Variants in HIVEP3 observed in about 807,000 individuals in gnomAD.
HIVEP3 encodes HIVEP zinc finger 3, also known as transcription factor HIVEP3.
A neutral mutation model predicts 152.8 loss-of-function variants in HIVEP3; 49 were observed. That is an observed-to-expected ratio of 0.32 (90% CI 0.26 to 0.41). The LOEUF is 0.41. HIVEP3 is among the 10% of genes least tolerant of loss of function. HIVEP3 has a pLI of 1.00. For synonymous variants in HIVEP3, 1,269 were observed against 1,289.0 expected (o/e 0.98, Z 0.33); for missense variants, 2,790 against 3,103.3 (o/e 0.90, Z 2.40).
intron 1 of HIVEP3, among the ~76,000 whole-genome samples, chr1:41,960,134 C>G (rs2124496954): frequency 6.6e-6 from 1 of 152,182 alleles, no homozygotes; most frequent in African/African-American, 2.4e-5. Context: ...GAAAGTTGGG[C>G]CAGAAAGTCC....
intron 3 of HIVEP3, among the ~76,000 whole-genome samples, chr1:41,600,100 T>C (rs1644723704): frequency 6.6e-6 from 1 of 152,204 alleles, no homozygotes; most frequent in African/African-American, 2.4e-5. Flanking sequence ...TGAGTGGAAC[T>C]GTTGCACTCT....
intron 2 of HIVEP3, among the ~76,000 whole-genome samples, chr1:41,651,137 C>T (rs972269893): frequency 6.6e-6 from 1 of 152,128 alleles, no homozygotes; most frequent in Admixed American, 6.5e-5. Context: ...CAGCTGGGCG[C>T]AGTAGCTCAT....
At position 41,580,142 on chromosome 1, in the gene HIVEP3, C is replaced by T. The variant is rs1270124357; in HGVS notation, c.4656G>A (p.Lys1552=). Residue 1552 remains lysine, a synonymous_variant, in exon 4 of 9, where the codon AAG becomes AAA. Coordinates refer to ENST00000372583, the MANE Select transcript of HIVEP3 (RefSeq NM_024503.5). ...HRRGLTPLSV[K]KEDSKEQPDL... ...CAGGTTGTTCCTTGGAATCTTCTTT[C>T]TTCACGCTCAGTGGGGTCAACCCTC... The T allele has an allele frequency of 8.1e-6, 13 of 1,613,824 alleles. No individual in the cohort carries two copies. In the African/African-American group the frequency reaches 1.5e-4, roughly 18 times the overall value.
chr1:41,749,346 C>T (rs892791912), intron 1 of HIVEP3, among the ~76,000 whole-genome samples: 1 of 150,766 alleles, frequency 6.6e-6, no homozygotes, highest in Non-Finnish European at 1.5e-5. Flanking sequence ...GATTCCTGAC[C>T]TGAGGGTTTC....
In HIVEP3 at chr1:41,515,647, G is replaced by A. The variant is rs141636300; in HGVS notation, c.5471-1897C>T. On this transcript the variant is annotated intron_variant, in intron 7 of 8. Coordinates refer to ENST00000372583, the MANE Select transcript of HIVEP3 (RefSeq NM_024503.5). ...CAGCCCTTGCATTATTACGCTGACA[G>A]TTTAAAAATGATGTGCTGCACTAAG... Among the ~76,000 whole-genome samples, 24 of 152,330 alleles carry A rather than the reference G, an allele frequency of 1.6e-4. No homozygotes were observed. The East Asian group carries it at 4.6e-3, about 29-fold the overall frequency.
At chr1:41,851,271 G>C (rs953638704) in intron 1 of HIVEP3, among the ~76,000 whole-genome samples, 2 of 141,670 alleles carry the variant, frequency 1.4e-5, no homozygotes, top group African/African-American at 5.1e-5. Context: ...AATGATGAGA[G>C]AGCACCTTCT....
rs563345015 is a variant in HIVEP3 at position 41,860,162 on chromosome 1, C to A, written c.-801+58251G>T. ...TTGATGCCTAAACATCTCTCATAAG[C>A]TTCTGCATAAAGACACCCCAGTTAT... On this transcript the variant is annotated intron_variant, in intron 1 of 8. Coordinates refer to ENST00000372583, the MANE Select transcript of HIVEP3 (RefSeq NM_024503.5). 4.6e-5 allele frequency among the ~76,000 whole-genome samples: 7 copies of A among 152,324 alleles called. 1 individual carries two copies. The highest frequency in any genetic ancestry group is 2.1e-4 in the South Asian group (1 of 4,826).
chr1:41,856,222 A>G (rs1432842300), intron 1 of HIVEP3, among the ~76,000 whole-genome samples: 1 of 152,230 alleles, frequency 6.6e-6, no homozygotes, highest in African/African-American at 2.4e-5. Flanking sequence ...AAGCCAAATA[A>G]AATGCATCTG....
At chr1:41,614,838 G>T (rs1392219933) in intron 3 of HIVEP3, among the ~76,000 whole-genome samples, 1 of 152,170 alleles carries the variant, frequency 6.6e-6, no homozygotes, top group East Asian at 1.9e-4. Flanking sequence ...TGATACGCTG[G>T]CCAGTTCCTC....
chr1:41,846,041 G>A (rs765376714), intron 1 of HIVEP3, among the ~76,000 whole-genome samples: 1 of 152,156 alleles, frequency 6.6e-6, no homozygotes, highest in Non-Finnish European at 1.5e-5. Context: ...TCCAGCCTGG[G>A]CAACAGAGTG....
At chr1:41,858,323 G>A (rs1321761133) in intron 1 of HIVEP3, among the ~76,000 whole-genome samples, 2 of 152,210 alleles carry the variant, frequency 1.3e-5, no homozygotes, top group East Asian at 3.9e-4. Flanking sequence ...ATAAACATTT[G>A]AGTGTACCTG....
At position 41,580,591 on chromosome 1, in the gene HIVEP3, G is replaced by T. The variant is rs141208877; in HGVS notation, c.4207C>A (p.Pro1403Thr). 6.2e-6 allele frequency: 10 copies of T among 1,614,154 alleles called. No individual in the cohort carries two copies. The African/African-American group carries it at 1.1e-4, about 17-fold the overall frequency. ...TPYLRVPVTL[P>T]ERKGTSLSSE... Reference sequence around the variant, plus strand: ...GACAGGGAAGTGCCTTTTCTTTCAGGTAATGTCACAGGCACTCTCAGGTAT... The same window carrying T: ...GACAGGGAAGTGCCTTTTCTTTCAGTTAATGTCACAGGCACTCTCAGGTAT... The change falls in exon 4 of 9, where the codon CCT becomes ACT. Residue 1403 changes from proline (P) to threonine (T), a missense_variant. Physicochemically the swap from Pro to Thr is conservative, Grantham distance 38 (BLOSUM62 -1). This residue lies in a region of HIVEP3 where 1,078 missense variants were observed against 1,165.3 expected (regional missense o/e 0.93). Transcript: ENST00000372583.
At chr1:41,849,033 C>T (rs929892853) in intron 1 of HIVEP3, 1 of 152,282 alleles carries the variant, frequency 6.6e-6, no homozygotes, top group African/African-American at 2.4e-5. Context: ...GTTTGTCCCT[C>T]GACTGGACAA....
chr1:41,527,862 C>T (rs1643050465), intron 5 of HIVEP3, among the ~76,000 whole-genome samples: 1 of 148,888 alleles, frequency 6.7e-6, no homozygotes, highest in African/African-American at 2.5e-5. Context: ...CACCCTCACA[C>T]CCCTGTCGTC....
chr1:41,936,755 T>A (rs1220212337), intron 1 of HIVEP3, among the ~76,000 whole-genome samples: 1 of 152,202 alleles, frequency 6.6e-6, no homozygotes, highest in Non-Finnish European at 1.5e-5. Context: ...GGAGTCTGAA[T>A]TAACCATATC....
At chr1:41,792,202 T>C (rs1444171418) in intron 1 of HIVEP3, among the ~76,000 whole-genome samples, 1 of 152,244 alleles carries the variant, frequency 6.6e-6, no homozygotes, top group African/African-American at 2.4e-5. Flanking sequence ...CTGGGAACAC[T>C]GAGCACAAGT....
chr1:41,966,974 A>T (rs962159847), intron 1 of HIVEP3, among the ~76,000 whole-genome samples: 3 of 152,210 alleles, frequency 2.0e-5, no homozygotes, highest in African/African-American at 7.2e-5. Flanking sequence ...ATAATGGAAA[A>T]GGGTTCAATT....
intron 1 of HIVEP3, among the ~76,000 whole-genome samples, chr1:41,870,569 C>T (rs1489457075): frequency 1.3e-5 from 2 of 152,214 alleles, no homozygotes; most frequent in Non-Finnish European, 1.5e-5. Context: ...TTGAAAGCTC[C>T]ATTCATATTC....
At chr1:41,838,819 T>C (rs184218315) in intron 1 of HIVEP3, among the ~76,000 whole-genome samples, 4 of 152,144 alleles carry the variant, frequency 2.6e-5, no homozygotes, top group African/African-American at 2.4e-5. Context: ...GGAAGGGTAA[T>C]ATGCACAATT....
Sources: allele counts gnomAD v4.1 joint callset (sites outside exome capture counted in the v4.1 genomes callset), GRCh38; gene constraint gnomAD v4.1.1; regional missense constraint gnomAD v4.1.1; transcripts MANE v1.5; gene names NCBI Gene and HGNC (gene_info 2026-07-23, HGNC 2026-07-21).